Variants in MYLK observed in about 807,000 individuals in gnomAD.
MYLK encodes myosin light chain kinase, also known as myosin light chain kinase, smooth muscle.
Under a neutral mutation model 203.4 loss-of-function variants are expected in MYLK, and 106 were observed. The ratio of observed to expected loss-of-function variants is 0.52; its 90% CI spans 0.45 to 0.61. The LOEUF (loss-of-function observed/expected upper bound fraction) is 0.61. Ranked by LOEUF, MYLK falls within the 20% of genes least tolerant of loss-of-function variation. MYLK has a pLI of 0.00. For synonymous variants in MYLK, 867 were observed against 959.5 expected (o/e 0.90, Z 1.78); for missense variants, 2,072 against 2,442.3 (o/e 0.85, Z 3.20).
In MYLK at chr3:123,614,024, T is replaced by TTGAG. The variant is rs1439776998; in HGVS notation, c.*77_*80dup. Reference sequence around the variant, plus strand: ...TATCACACTAGGTGCTTTTACTATCTTGAGTTTTTTTTTTTTTTTTGAGTT... The same window carrying TTGAG: ...TATCACACTAGGTGCTTTTACTATCTTGAGTGAGTTTTTTTTTTTTTTTTGAGTT... On this transcript the variant is annotated 3_prime_UTR_variant, in exon 34 of 34. Coordinates refer to ENST00000360304, the MANE Select transcript of MYLK (RefSeq NM_053025.4). 42 of 1,494,848 alleles carry TTGAG rather than the reference T, an allele frequency of 2.8e-5. No individual in the cohort carries two copies. In the East Asian group the frequency reaches 9.3e-4, roughly 33 times the overall value. 92.6% of individuals were successfully genotyped at this position (1,494,848 alleles called of 1,614,324 possible). A position where few individuals can be genotyped will look rare whatever the true frequency, so the allele number is the denominator to read the frequency against.
intron 4 of MYLK, among the ~76,000 whole-genome samples, chr3:123,783,135 G>A (rs2064364970): frequency 6.6e-6 from 1 of 151,836 alleles, no homozygotes; most frequent in Non-Finnish European, 1.5e-5. Flanking sequence ...ATTAAAAATA[G>A]TGCTTTGGAC....
Position 123,712,860 on chromosome 3 carries a change from T to C in MYLK, c.1805-2967A>G, listed in dbSNP as rs370674666. Among the ~76,000 whole-genome samples, 102 of 152,340 alleles carry C rather than the reference T, an allele frequency of 6.7e-4. No homozygotes were observed. The South Asian group carries it at 7.5e-3, about 11-fold the overall frequency. On this transcript the variant is annotated intron_variant, in intron 13 of 33. Transcript: ENST00000360304. The stretch of plus-strand genomic sequence containing the variant: ...AACCATTCATTATCAATGAGAACAT[T>C]TGTACGAGCCTAGCATGAGAACTGA...
At chr3:123,667,329 C>A (rs139848376) in intron 20 of MYLK, 142 bp from the exon 21 acceptor site, 1 of 837,444 alleles carries the variant, frequency 1.2e-6, no homozygotes, top group Non-Finnish European at 2.0e-6. Context: ...AGGCTGAGCA[C>A]GGTGGCTCAC....
intron 2 of MYLK, among the ~76,000 whole-genome samples, chr3:123,843,322 G>T (rs962961395): frequency 6.6e-6 from 1 of 152,188 alleles, no homozygotes; most frequent in East Asian, 1.9e-4. Flanking sequence ...GGCCAGATAA[G>T]CCAAGTGACT....
rs142675793 is a variant in MYLK, at chr3:123,746,688, C to A, written c.373+5643G>T. Reference sequence around the variant, plus strand: ...CAGTCTTGAACACACAACTATTTTACAGCAAAGAGTCTGGTGGGGCAAAAA... The same window carrying A: ...CAGTCTTGAACACACAACTATTTTAAAGCAAAGAGTCTGGTGGGGCAAAAA... On this transcript the variant is annotated intron_variant, in intron 5 of 33. Coordinates refer to ENST00000360304, the MANE Select transcript of MYLK (RefSeq NM_053025.4). Among the ~76,000 whole-genome samples, 646 of 152,302 alleles carry A rather than the reference C, an allele frequency of 4.2e-3. 3 individuals are homozygous for A. The highest frequency in any genetic ancestry group is 0.017 in the Middle Eastern group (5 of 294).
Position 123,722,299 on chromosome 3 carries a change from A to G in MYLK, c.1652-19T>C, listed in dbSNP as rs745893508. ...GGCTGCCCTGTGGAGGAAGCACAGG[A>G]AGGCTCAGGCCAGGCAGCACTGGCA... On this transcript the variant is annotated intron_variant, in intron 12 of 33. Coordinates refer to ENST00000360304, the MANE Select transcript of MYLK (RefSeq NM_053025.4). 9 of 1,561,876 alleles carry G rather than the reference A, an allele frequency of 5.8e-6. No individual in the cohort carries two copies. Among genetic ancestry groups the G allele is most frequent in the South Asian group, 1.2e-5 (1 of 84,694 alleles).
At chr3:123,857,763 A>G (rs1424377983) in intron 2 of MYLK, among the ~76,000 whole-genome samples, 1 of 151,976 alleles carries the variant, frequency 6.6e-6, no homozygotes, top group Non-Finnish European at 1.5e-5. Context: ...TAACCTGCAC[A>G]TTGTACACAT....
intron 13 of MYLK, among the ~76,000 whole-genome samples, chr3:123,713,579 A>ATGTGTGTGTG (rs3085274): frequency 1.0e-4 from 14 of 136,474 alleles, no homozygotes; most frequent in African/African-American, 3.9e-4. Flanking sequence ...GAGCAACACA[A>ATGTGTGTGTG]TGTGTGTGTG....
chr3:123,767,984 T>G (rs1205867315), intron 4 of MYLK, among the ~76,000 whole-genome samples: 3 of 152,192 alleles, frequency 2.0e-5, no homozygotes, highest in Non-Finnish European at 2.9e-5. Flanking sequence ...ACCACTTGGC[T>G]TCTGAAGGAG....
At chr3:123,624,433 C>T (rs1479139472) in intron 31 of MYLK, 1 of 152,112 alleles carries the variant, frequency 6.6e-6, no homozygotes, top group East Asian at 1.9e-4. Context: ...TGCTCCTAGC[C>T]CCTGGGTTTA....
At chr3:123,729,697 A>C (rs1180355383) in intron 11 of MYLK, among the ~76,000 whole-genome samples, 1 of 152,168 alleles carries the variant, frequency 6.6e-6, no homozygotes, top group Non-Finnish European at 1.5e-5. Context: ...CCTGGGCAAC[A>C]TAGTAAGACC....
Position 123,664,222 on chromosome 3 carries a change from C to T in MYLK, c.3868G>A (p.Glu1290Lys), listed in dbSNP as rs145953933. 5.6e-5 allele frequency: 90 copies of T among 1,614,162 alleles called. No homozygotes were observed. In the Admixed American group the frequency reaches 8.0e-4, roughly 14 times the overall value. ...AGGATGGTGAGCTTGCTGCCATTCT[C>T]GCTGTTCTCCACCTTCATGTGCTCG... The part of the protein sequence containing the change: ...ESEHMKVENS[E>K]NGSKLTILAA... The change falls in exon 23 of 34, where the codon GAG becomes AAG. Residue 1290 changes from glutamate (E) to lysine (K), a missense_variant. Transcript: ENST00000360304.
chr3:123,642,357 C>G lies in MYLK; in HGVS notation c.4620-1853G>C, dbSNP rs1459229606. 6.6e-6 allele frequency among the ~76,000 whole-genome samples: 1 copy of G among 152,184 alleles called. No homozygotes were observed. Among genetic ancestry groups the G allele is most frequent in the Non-Finnish European group, 1.5e-5 (1 of 68,040 alleles). On this transcript the variant is annotated intron_variant, in intron 27 of 33. Coordinates refer to ENST00000360304, the MANE Select transcript of MYLK (RefSeq NM_053025.4). This position sits in a 1 kb window ranked among gnomAD's most constrained non-coding sequence, Gnocchi z 4.2. ...TGCCTAACACACAGAAGGTGCTCAA[C>G]ACTTATTACTTATCGTTTGATAAGC...
intron 32 of MYLK, 93 bp from the exon 33 acceptor site, chr3:123,618,863 A>G (rs916080546): frequency 6.5e-7 from 1 of 1,543,768 alleles, no homozygotes; most frequent in East Asian, 2.3e-5. Context: ...AAAAGTTGCT[A>G]TGATTTAGCA....
In MYLK at chr3:123,614,033, T is replaced by G. The variant is rs986898252; in HGVS notation, c.*72A>C. On this transcript the variant is annotated 3_prime_UTR_variant, in exon 34 of 34. Coordinates refer to ENST00000360304, the MANE Select transcript of MYLK (RefSeq NM_053025.4). ...AGGTGCTTTTACTATCTTGAGTTTTTTTTTTTTTTTTGAGTTTTAGAGAAA... is the reference window on the plus strand; with the variant it reads ...AGGTGCTTTTACTATCTTGAGTTTTGTTTTTTTTTTTGAGTTTTAGAGAAA... 263 of 1,544,446 alleles carry G rather than the reference T, an allele frequency of 1.7e-4. No individual in the cohort carries two copies. The highest frequency in any genetic ancestry group is 2.2e-4 in the South Asian group (18 of 82,864).
chr3:123,826,378 C>T (rs572448527), intron 3 of MYLK, among the ~76,000 whole-genome samples: 1 of 152,330 alleles, frequency 6.6e-6, no homozygotes, highest in African/African-American at 2.4e-5. Context: ...AGCTATAAGC[C>T]CATGTCCTGA....
intron 20 of MYLK, among the ~76,000 whole-genome samples, chr3:123,667,777 T>C (rs2059789993): frequency 6.6e-6 from 1 of 152,148 alleles, no homozygotes; most frequent in African/African-American, 2.4e-5. Flanking sequence ...CGTGCTCCCA[T>C]AGCCCTTTTC....
chr3:123,814,992 C>A (rs2065697994), intron 3 of MYLK, among the ~76,000 whole-genome samples: 2 of 152,100 alleles, frequency 1.3e-5, no homozygotes, highest in African/African-American at 4.8e-5. Flanking sequence ...AGGGTTTCAC[C>A]TTGTTGGTCA....
At chr3:123,819,976 G>A (rs1014718986) in intron 3 of MYLK, among the ~76,000 whole-genome samples, 1 of 152,060 alleles carries the variant, frequency 6.6e-6, no homozygotes, top group African/African-American at 2.4e-5. Context: ...GGTCTGTACT[G>A]AATAAAACTT....
Sources: gnomAD v4.1 joint callset for allele counts (sites outside exome capture counted in the v4.1 genomes callset) on GRCh38, gnomAD v4.1.1 for gene constraint, Gnocchi (gnomAD v3.1) non-coding constraint, MANE v1.5 for transcripts, NCBI Gene and HGNC (gene_info 2026-07-23, HGNC 2026-07-21) for gene names.